The following DTWD2 variants were observed in gnomAD, a reference collection of about 807,000 sequenced individuals.
DTWD2 encodes the protein tRNA-uridine aminocarboxypropyltransferase 2.
Under a neutral mutation model 31.8 loss-of-function variants are expected in DTWD2, and 39 were observed. The ratio of observed to expected loss-of-function variants is 1.22; its 90% CI spans 0.95 to 1.60. The LOEUF (loss-of-function observed/expected upper bound fraction) is 1.60, where lower values mean the gene tolerates loss of function less well. DTWD2 is among the 40% of genes most tolerant of loss of function. The pLI, the probability that DTWD2 is intolerant of heterozygous loss-of-function variation, is 0.00. For synonymous variants in DTWD2, 180 were observed against 142.8 expected (o/e 1.26, Z -1.86); for missense variants, 515 against 381.5 (o/e 1.35, Z -2.92).
intron 1 of DTWD2, among the ~76,000 whole-genome samples, chr5:118,962,069 T>A (rs540576863): frequency 2.0e-5 from 3 of 152,118 alleles, no homozygotes; most frequent in East Asian, 3.9e-4. Context: ...AGAAACCCCA[T>A]CTCTACTAAA....
At chr5:118,901,523 C>T (rs1002752949) in intron 4 of DTWD2, among the ~76,000 whole-genome samples, 1 of 152,098 alleles carries the variant, frequency 6.6e-6, no homozygotes, top group Non-Finnish European at 1.5e-5. Context: ...GCCTAAGTCA[C>T]AACTTTCATG....
At chr5:118,915,271 G>T (rs1405617728) in intron 4 of DTWD2, among the ~76,000 whole-genome samples, 1 of 151,774 alleles carries the variant, frequency 6.6e-6, no homozygotes, top group East Asian at 1.9e-4. Context: ...CATGTTTAGT[G>T]ATCAGGTACT....
chr5:118,925,277 T>G (rs533624569), intron 4 of DTWD2, among the ~76,000 whole-genome samples: 3 of 152,120 alleles, frequency 2.0e-5, no homozygotes, highest in African/African-American at 7.2e-5. Context: ...TACCAAAAAA[T>G]AAAAACATAA....
rs1036851243 is a variant in DTWD2 at position 118,837,066 on chromosome 5, G to A, written c.*3851C>T. Among the ~76,000 whole-genome samples, 2 of 152,144 alleles carry A rather than the reference G, an allele frequency of 1.3e-5. No individual in the cohort carries two copies. The highest frequency in any genetic ancestry group is 1.9e-4 in the East Asian group (1 of 5,196). ...GTTTAAAAACATGCTATGTAAGGAT[G>A]TATGAGTATTTGTATAAATAACAAC... is the stretch of plus-strand genomic sequence containing the variant. On this transcript the variant is annotated 3_prime_UTR_variant, in exon 6 of 6. Transcript: ENST00000510708.
Position 118,841,996 on chromosome 5 carries a change from A to T in DTWD2, c.727-909T>A, listed in dbSNP as rs562342016. Among the ~76,000 whole-genome samples the T allele has an allele frequency of 4.7e-4, 71 of 152,336 alleles. 1 individual carries two copies. In the South Asian group the frequency reaches 0.015, roughly 31 times the overall value. On this transcript the variant is annotated intron_variant, in intron 5 of 5. Transcript: ENST00000510708. ...CGTGAAAATGTATTAACCCACAAAG[A>T]AAACCCCACATGAATTAACAAATGT...
At chr5:118,980,095 T>C (rs1755265876) in intron 1 of DTWD2, among the ~76,000 whole-genome samples, 1 of 152,242 alleles carries the variant, frequency 6.6e-6, no homozygotes, top group Non-Finnish European at 1.5e-5. Context: ...CTTACATTTC[T>C]GTATGTTTTG....
chr5:118,846,585 C>T (rs749166519), intron 5 of DTWD2, among the ~76,000 whole-genome samples: 3 of 151,980 alleles, frequency 2.0e-5, no homozygotes, highest in South Asian at 2.1e-4. Context: ...AAAAAGAAAA[C>T]GCAGAGACTG....
intron 3 of DTWD2, among the ~76,000 whole-genome samples, chr5:118,933,666 A>C (rs1185190117): frequency 6.6e-6 from 1 of 152,150 alleles, no homozygotes; most frequent in Non-Finnish European, 1.5e-5. Context: ...TTAGTAAAGA[A>C]CATTTCCAAA....
chr5:118,946,300 TGAG>T (rs1754337589), intron 1 of DTWD2, among the ~76,000 whole-genome samples: 1 of 152,078 alleles, frequency 6.6e-6, no homozygotes, highest in Non-Finnish European at 1.5e-5. Context: ...CTCAGGAATA[TGAG>T]GAGATTTTTG....
rs1751631062 is a variant in DTWD2, at chr5:118,838,625, T to A, written c.*2292A>T. 6.6e-6 allele frequency: 1 copy of A among 152,080 alleles called. No individual in the cohort carries two copies. Among genetic ancestry groups the A allele is most frequent in the Non-Finnish European group, 1.5e-5 (1 of 68,018 alleles). 9.4% of individuals were successfully genotyped at this position (152,080 alleles called of 1,614,324 possible). A position where few individuals can be genotyped will look rare whatever the true frequency, so the allele number is the denominator to read the frequency against. Reference sequence around the variant, plus strand: ...AGATGATTAAATGGACTCACCTTGTTAAGAGGTCAGGAAAAAATAAGTAAA... The same window carrying A: ...AGATGATTAAATGGACTCACCTTGTAAAGAGGTCAGGAAAAAATAAGTAAA... On this transcript the variant is annotated 3_prime_UTR_variant, in exon 6 of 6. Coordinates refer to ENST00000510708, the MANE Select transcript of DTWD2 (RefSeq NM_173666.4).
intron 4 of DTWD2, among the ~76,000 whole-genome samples, chr5:118,917,891 G>C (rs1561454859): frequency 6.6e-6 from 1 of 151,986 alleles, no homozygotes; most frequent in Non-Finnish European, 1.5e-5. Flanking sequence ...CTTGAACCCA[G>C]GAGGCAGACG....
intron 4 of DTWD2, among the ~76,000 whole-genome samples, chr5:118,852,486 T>C (rs1752033443): frequency 6.6e-6 from 1 of 152,144 alleles, no homozygotes; most frequent in South Asian, 2.1e-4. Context: ...TCAGGGTCCC[T>C]GAATTCCCAC....
Position 118,928,626 on chromosome 5 carries a change from A to G in DTWD2, c.508T>C (p.Tyr170His). 6.2e-7 allele frequency: 1 copy of G among 1,603,678 alleles called. No individual in the cohort carries two copies. Among genetic ancestry groups the G allele is most frequent in the Non-Finnish European group, 8.5e-7 (1 of 1,174,532 alleles). Residue 170 changes from tyrosine to histidine, a missense_variant, in exon 4 of 6, where the codon TAT becomes CAT. Coordinates refer to ENST00000510708, the MANE Select transcript of DTWD2 (RefSeq NM_173666.4). ...TCAATGATGATGATTGTAGAAGGAT[A>G]AACAGGAGAATCTAATATAAATTCT... is the stretch of plus-strand genomic sequence containing the variant. ...LEEFILDSPV[Y>H]PSTIIIIDGT...
At position 118,920,007 on chromosome 5, in the gene DTWD2, A is replaced by T. The variant is rs1559117; in HGVS notation, c.597+8530T>A. On this transcript the variant is annotated intron_variant, in intron 4 of 5. Coordinates refer to ENST00000510708, the MANE Select transcript of DTWD2 (RefSeq NM_173666.4). ...TTGTATATTACAGTGTAATAAAAATAAAAAAAAAAAGTGCACATTAAATGT... is the reference window on the plus strand; with the variant it reads ...TTGTATATTACAGTGTAATAAAAATTAAAAAAAAAAGTGCACATTAAATGT... Among the ~76,000 whole-genome samples, 988 of 139,388 alleles carry T rather than the reference A, an allele frequency of 7.1e-3. 16 individuals are homozygous for T. The highest frequency in any genetic ancestry group is 0.053 in the East Asian group (263 of 4,998). The allele number at this position is 139,388 out of a possible 152,430, so 91.4% of individuals were successfully genotyped here. A position where few individuals can be genotyped will look rare whatever the true frequency, so the allele number is the denominator to read the frequency against.
chr5:118,977,100 C>CA (rs1755180630), intron 1 of DTWD2, among the ~76,000 whole-genome samples: 3 of 152,148 alleles, frequency 2.0e-5, no homozygotes, highest in Admixed American at 2.0e-4. Context: ...ATGATTATCT[C>CA]AAAAAATGCA....
intron 1 of DTWD2, among the ~76,000 whole-genome samples, chr5:118,956,881 C>T (rs772358974): frequency 1.3e-5 from 2 of 151,026 alleles, no homozygotes; most frequent in African/African-American, 5.0e-5. Context: ...AAAATGGCAA[C>T]AATTTTCCAA....
chr5:118,945,329 C>T (rs1389757955), intron 1 of DTWD2, among the ~76,000 whole-genome samples: 1 of 151,734 alleles, frequency 6.6e-6, no homozygotes, highest in Admixed American at 6.5e-5. Flanking sequence ...GGCTATACCT[C>T]CTATCTCTGT....
chr5:118,847,046 G>A (rs1461933903), intron 5 of DTWD2, among the ~76,000 whole-genome samples: 1 of 151,740 alleles, frequency 6.6e-6, no homozygotes, highest in African/African-American at 2.4e-5. Flanking sequence ...GTAGAGGAGA[G>A]GAAAAAAGTA....
chr5:118,872,878 C>T (rs1035359618), intron 4 of DTWD2, among the ~76,000 whole-genome samples: 1 of 152,144 alleles, frequency 6.6e-6, no homozygotes, highest in Non-Finnish European at 1.5e-5. Context: ...ATAGCTCCCA[C>T]AGAGGGACTG....
Sources: allele counts gnomAD v4.1 joint callset (sites outside exome capture counted in the v4.1 genomes callset), GRCh38; gene constraint gnomAD v4.1.1; transcripts MANE v1.5; gene names NCBI Gene and HGNC (gene_info 2026-07-23, HGNC 2026-07-21).